The following ZNF385D variants were observed in gnomAD, a reference collection of about 807,000 sequenced individuals.
ZNF385D encodes zinc finger protein 385D, also known as zinc finger protein 659.
Under a neutral mutation model 35.8 loss-of-function variants are expected in ZNF385D, and 15 were observed. The ratio of observed to expected loss-of-function variants is 0.42; its 90% CI spans 0.28 to 0.64. The LOEUF is 0.64. Ranked by LOEUF, ZNF385D falls within the 30% of genes least tolerant of loss-of-function variation. The pLI is 0.23. For synonymous variants in ZNF385D, 212 were observed against 186.8 expected (o/e 1.13, Z -1.10); for missense variants, 474 against 494.6 (o/e 0.96, Z 0.39).
intron 2 of ZNF385D, among the ~76,000 whole-genome samples, chr3:21,584,259 G>A (rs1297818235): frequency 6.6e-6 from 1 of 152,200 alleles, no homozygotes; most frequent in African/African-American, 2.4e-5. Flanking sequence ...GATTACAGCC[G>A]TGAGCCATTG....
intron 2 of ZNF385D, among the ~76,000 whole-genome samples, chr3:21,641,653 T>TTA (rs2065608959): frequency 7.1e-6 from 1 of 140,592 alleles, no homozygotes; most frequent in African/African-American, 2.7e-5. Context: ...TTTTTTTTTT[T>TTA]AATATAGAGA....
chr3:21,819,315 A>C (rs938346002), intron 3 of ZNF385D, among the ~76,000 whole-genome samples: 1 of 151,840 alleles, frequency 6.6e-6, no homozygotes, highest in Non-Finnish European at 1.5e-5. Context: ...TTAATGAAAA[A>C]GATTGTCAGA....
At chr3:21,585,748 C>T (rs558819322) in intron 2 of ZNF385D, among the ~76,000 whole-genome samples, 9 of 152,280 alleles carry the variant, frequency 5.9e-5, no homozygotes, top group Middle Eastern at 3.4e-3. Flanking sequence ...CAAAAGTTCC[C>T]GTAGCTGTTT....
intron 3 of ZNF385D, among the ~76,000 whole-genome samples, chr3:22,050,427 T>C (rs1187106673): frequency 2.0e-5 from 3 of 152,110 alleles, no homozygotes; most frequent in African/African-American, 7.2e-5. Flanking sequence ...CACATAAATT[T>C]TAAAAAATGT....
At chr3:21,437,704 A>AAAAAAAAAAAAAAAAC (rs1701634874) in intron 4 of ZNF385D, among the ~76,000 whole-genome samples, 1 of 143,586 alleles carries the variant, frequency 7.0e-6, no homozygotes, top group Non-Finnish European at 1.5e-5. Flanking sequence ...GCTTATACAA[A>AAAAAAAAAAAAAAAAC]AAAAAAAAAA....
chr3:22,104,511 T>C (rs1702106660), intron 3 of ZNF385D, among the ~76,000 whole-genome samples: 1 of 152,134 alleles, frequency 6.6e-6, no homozygotes, highest in Non-Finnish European at 1.5e-5. Flanking sequence ...TCATTCAGTA[T>C]TTTACAACCA....
intron 4 of ZNF385D, among the ~76,000 whole-genome samples, chr3:21,476,391 T>C (rs1704251075): frequency 6.6e-6 from 1 of 152,064 alleles, no homozygotes; most frequent in Non-Finnish European, 1.5e-5. Flanking sequence ...AATTGCCAAC[T>C]CTATTATTTA....
At chr3:21,747,937 A>T (rs11711489) in intron 1 of ZNF385D, among the ~76,000 whole-genome samples, 30,010 of 152,034 alleles carry the variant, frequency 0.2, 3,282 homozygotes, top group Non-Finnish European at 0.24. Flanking sequence ...ATAAGTATTT[A>T]TTATTTTCCC....
intron 3 of ZNF385D, among the ~76,000 whole-genome samples, chr3:21,855,105 T>C (rs1026313228): frequency 6.6e-6 from 1 of 151,932 alleles, no homozygotes; most frequent in African/African-American, 2.4e-5. Context: ...ATGGGCAATG[T>C]TGTTATCAAA....
chr3:21,819,782 A>T (rs1372269207), intron 3 of ZNF385D, among the ~76,000 whole-genome samples: 1 of 144,940 alleles, frequency 6.9e-6, no homozygotes, highest in Non-Finnish European at 1.5e-5. Flanking sequence ...AATACACATA[A>T]ATATAATATA....
chr3:21,743,219 A>G (rs2069603004), intron 1 of ZNF385D, among the ~76,000 whole-genome samples: 1 of 152,246 alleles, frequency 6.6e-6, no homozygotes, highest in Non-Finnish European at 1.5e-5. Flanking sequence ...CAAATGGTAG[A>G]GATGGGGTCA....
At chr3:22,370,745 G>A (rs531991943) in intron 2 of ZNF385D, among the ~76,000 whole-genome samples, 168 of 152,244 alleles carry the variant, frequency 1.1e-3, no homozygotes, top group Middle Eastern at 3.4e-3. Context: ...TGGTAACAAC[G>A]CCACCTTCTT....
intron 1 of ZNF385D, among the ~76,000 whole-genome samples, chr3:21,735,979 G>A (rs987261567): frequency 1.3e-5 from 2 of 152,210 alleles, no homozygotes; most frequent in African/African-American, 2.4e-5. Context: ...AGAATTGTGT[G>A]CTGGACAGAA....
intron 2 of ZNF385D, among the ~76,000 whole-genome samples, chr3:22,236,119 T>C (rs1348863058): frequency 6.6e-6 from 1 of 152,090 alleles, no homozygotes; most frequent in Non-Finnish European, 1.5e-5. Flanking sequence ...AATACAAATT[T>C]TTAAATGCAA....
intron 2 of ZNF385D, among the ~76,000 whole-genome samples, chr3:21,631,818 A>T (rs1575359559): frequency 6.6e-6 from 1 of 152,120 alleles, no homozygotes; most frequent in East Asian, 1.9e-4. Flanking sequence ...CACTGGGATA[A>T]AGCTCACCAG....
In ZNF385D at chr3:22,107,026, G is replaced by GTTTTTTTTTTTTTTTTTTTTTT. The variant is rs10676871; in HGVS notation, c.325+61790_325+61791insAAAAAAAAAAAAAAAAAAAAAA. 5.6e-4 allele frequency among the ~76,000 whole-genome samples: 67 copies of GTTTTTTTTTTTTTTTTTTTTTT among 118,798 alleles called. 8 individuals carry two copies. Among genetic ancestry groups the GTTTTTTTTTTTTTTTTTTTTTT allele is most frequent in the Non-Finnish European group, 1.0e-3 (56 of 56,214 alleles). The allele number at this position is 118,798 out of a possible 152,430, so 77.9% of individuals were successfully genotyped here. The stretch of plus-strand genomic sequence containing the variant: ...TTTATGCAAAAACTTTGGAATGAGA[G>GTTTTTTTTTTTTTTTTTTTTTT]TTTTTTTTTTTTTTTTAGACAGAGT... On this transcript the variant is annotated intron_variant, in intron 3 of 5. Coordinates refer to the ZNF385D transcript ENST00000494108.
intron 3 of ZNF385D, among the ~76,000 whole-genome samples, chr3:21,900,940 C>T (rs73042646): frequency 0.032 from 4,893 of 152,160 alleles, 93 homozygotes; most frequent in Middle Eastern, 0.13. Flanking sequence ...TTATAGATGA[C>T]GACACTAAGG....
rs1301032835 is a variant in ZNF385D, at chr3:21,992,201, A to G, written c.325+176616T>C. ...TAAATATTGCCAAACAGACAACATA[A>G]TATCTAATTTCACAGAATATAGATA... On this transcript the variant is annotated intron_variant, in intron 3 of 5. Transcript: ENST00000494108. 6.6e-5 allele frequency among the ~76,000 whole-genome samples: 10 copies of G among 152,132 alleles called. 1 individual carries two copies. Among genetic ancestry groups the G allele is most frequent in the African/African-American group, 1.4e-4 (6 of 41,412 alleles).
chr3:21,787,540 G>A (rs2071744112), intron 3 of ZNF385D, among the ~76,000 whole-genome samples: 2 of 151,966 alleles, frequency 1.3e-5, no homozygotes, highest in Non-Finnish European at 2.9e-5. Context: ...CCCTTTCTTA[G>A]GAGAAACAGT....
Sources: gnomAD v4.1 joint callset for allele counts (sites outside exome capture counted in the v4.1 genomes callset) on GRCh38, gnomAD v4.1.1 for gene constraint, MANE v1.5 for transcripts, NCBI Gene and HGNC (gene_info 2026-07-23, HGNC 2026-07-21) for gene names.